The following KAZN variants were observed in gnomAD, a reference collection of about 807,000 sequenced individuals.
KAZN encodes kazrin, periplakin interacting protein.
A neutral mutation model predicts 87.4 loss-of-function variants in KAZN; 40 were observed. The observed-to-expected ratio is 0.46, with a 90% CI of 0.36 to 0.60. The LOEUF is 0.60. Among genes scored for constraint, KAZN ranks in the 20% least tolerant of loss-of-function variants. KAZN has a pLI of 0.00. For synonymous variants in KAZN, 466 were observed against 458.3 expected (o/e 1.02, Z -0.22); for missense variants, 898 against 1,073.9 (o/e 0.84, Z 2.29).
At chr1:15,039,820 G>A (rs943438775) in intron 3 of KAZN, among the ~76,000 whole-genome samples, 9 of 152,156 alleles carry the variant, frequency 5.9e-5, no homozygotes, top group Non-Finnish European at 1.3e-4. Context: ...TGGGGTTGAC[G>A]CTACTCAATA....
At chr1:14,474,691 G>T (rs1035532716) in intron 2 of KAZN, among the ~76,000 whole-genome samples, 24 of 152,304 alleles carry the variant, frequency 1.6e-4, no homozygotes, top group African/African-American at 5.8e-4. Context: ...CCCCTTGGTA[G>T]CTGTGATGAA....
At chr1:14,845,290 T>G (rs1572632902) in intron 1 of KAZN, among the ~76,000 whole-genome samples, 1 of 130,752 alleles carries the variant, frequency 7.6e-6, no homozygotes, top group East Asian at 2.3e-4. Flanking sequence ...TGAGTGGGGG[T>G]GGATGGATAG....
intron 1 of KAZN, among the ~76,000 whole-genome samples, chr1:14,679,344 G>C (rs952805653): frequency 4.6e-5 from 7 of 151,954 alleles, no homozygotes; most frequent in Non-Finnish European, 8.8e-5. Context: ...GTTTAGGATT[G>C]GATTGTTTGA....
chr1:14,054,508 C>G (rs1048650025), intron 1 of KAZN, among the ~76,000 whole-genome samples: 1 of 152,166 alleles, frequency 6.6e-6, no homozygotes, highest in African/African-American at 2.4e-5. Context: ...GTAAAACATT[C>G]TATCTCAGTA....
chr1:14,909,367 A>C (rs971938235), intron 1 of KAZN, among the ~76,000 whole-genome samples: 7 of 151,882 alleles, frequency 4.6e-5, no homozygotes, highest in Non-Finnish European at 7.4e-5. Context: ...CTCTCTCTCC[A>C]CTTAGCTTGT....
intron 2 of KAZN, among the ~76,000 whole-genome samples, chr1:14,204,477 A>C (rs1444256764): frequency 1.3e-5 from 2 of 152,266 alleles, no homozygotes; most frequent in African/African-American, 4.8e-5. Flanking sequence ...AACTGACATT[A>C]AGTTATGACA....
At chr1:14,425,924 GC>G (rs1191031270) in intron 2 of KAZN, among the ~76,000 whole-genome samples, 1 of 152,164 alleles carries the variant, frequency 6.6e-6, no homozygotes, top group African/African-American at 2.4e-5. Flanking sequence ...CATCTCCCCT[GC>G]CCATCCCCCA....
chr1:14,675,248 G>A (rs1040492835), intron 1 of KAZN, among the ~76,000 whole-genome samples: 6 of 152,200 alleles, frequency 3.9e-5, no homozygotes, highest in African/African-American at 1.4e-4. Flanking sequence ...GTTGTCTGAC[G>A]TTGAACTTGA....
chr1:14,218,841 GAA>G (rs1216849347), intron 2 of KAZN, among the ~76,000 whole-genome samples: 2 of 152,010 alleles, frequency 1.3e-5, no homozygotes, highest in Non-Finnish European at 2.9e-5. Flanking sequence ...ACTAAATGAA[GAA>G]TGATTAAATT....
intron 2 of KAZN, among the ~76,000 whole-genome samples, chr1:14,972,498 C>T (rs2175772): frequency 0.35 from 53,734 of 151,448 alleles, 10,486 homozygotes; most frequent in African/African-American, 0.52. Context: ...GAATGCGCTG[C>T]TGACCTCAGA....
chr1:14,902,544 TA>T (rs1257005647), intron 1 of KAZN, among the ~76,000 whole-genome samples: 1 of 152,102 alleles, frequency 6.6e-6, no homozygotes, highest in Non-Finnish European at 1.5e-5. Flanking sequence ...GCAATTTTTT[TA>T]AATCTTCCAT....
At chr1:14,739,680 T>C (rs1445906353) in intron 1 of KAZN, among the ~76,000 whole-genome samples, 1 of 152,030 alleles carries the variant, frequency 6.6e-6, no homozygotes, top group Non-Finnish European at 1.5e-5. Context: ...TTTTTTGTAT[T>C]GTTTGAAGTT....
At chr1:14,261,735 G>T (rs1399678189) in intron 2 of KAZN, among the ~76,000 whole-genome samples, 2 of 152,128 alleles carry the variant, frequency 1.3e-5, no homozygotes, top group Non-Finnish European at 2.9e-5. Context: ...CACTCTCTTG[G>T]CTTAAGAGTT....
intron 1 of KAZN, among the ~76,000 whole-genome samples, chr1:14,013,065 T>C (rs145920956): frequency 4.6e-5 from 7 of 152,326 alleles, no homozygotes; most frequent in Admixed American, 2.0e-4. Context: ...GCTCTTCAGA[T>C]GTTTAAAGAT....
At chr1:14,118,513 A>G (rs1644679040) in intron 1 of KAZN, among the ~76,000 whole-genome samples, 1 of 152,226 alleles carries the variant, frequency 6.6e-6, no homozygotes, top group Non-Finnish European at 1.5e-5. Flanking sequence ...TATAAAATTT[A>G]CTGTACATTC....
At chr1:14,566,585 C>T (rs1421450457) in intron 2 of KAZN, among the ~76,000 whole-genome samples, 1 of 152,188 alleles carries the variant, frequency 6.6e-6, no homozygotes, top group East Asian at 1.9e-4. Flanking sequence ...TCCTAGATGA[C>T]ATATTTTTCC....
chr1:15,046,202 A>G (rs1328341929), intron 4 of KAZN, among the ~76,000 whole-genome samples: 2 of 151,008 alleles, frequency 1.3e-5, no homozygotes, highest in African/African-American at 2.4e-5. Flanking sequence ...GGAGGCTGAG[A>G]CAGGAGAATC....
intron 2 of KAZN, among the ~76,000 whole-genome samples, chr1:14,451,971 G>T (rs1048870269): frequency 1.3e-5 from 2 of 151,970 alleles, no homozygotes; most frequent in East Asian, 1.9e-4. Context: ...ATGGAGTCTC[G>T]CTCTGTCACC....
At chr1:14,997,112 C>T (rs1667948984) in intron 2 of KAZN, among the ~76,000 whole-genome samples, 1 of 152,166 alleles carries the variant, frequency 6.6e-6, no homozygotes, top group African/African-American at 2.4e-5. Flanking sequence ...TGAATTTTCC[C>T]TCACAAGATC....
Sources: allele counts gnomAD v4.1 joint callset (sites outside exome capture counted in the v4.1 genomes callset), GRCh38; gene constraint gnomAD v4.1.1; transcripts MANE v1.5; gene names NCBI Gene and HGNC (gene_info 2026-07-23, HGNC 2026-07-21).